SMARCC1: variants seen among roughly 807,000 people sequenced by gnomAD.
SMARCC1 encodes the protein SWI/SNF complex subunit SMARCC1.
A neutral mutation model predicts 147.4 loss-of-function variants in SMARCC1; 43 were observed. That is an observed-to-expected ratio of 0.29 (90% CI 0.23 to 0.38). SMARCC1 has a LOEUF of 0.38. Ranked by LOEUF, SMARCC1 falls within the 10% of genes least tolerant of loss-of-function variation. The probability of loss-of-function intolerance (pLI) is 1.00; values close to 1 mark genes in which losing one functional copy is unlikely to be tolerated. For synonymous variants in SMARCC1, 495 were observed against 484.4 expected (o/e 1.02, Z -0.29); for missense variants, 1,119 against 1,381.1 (o/e 0.81, Z 3.01).
chr3:47,757,592 C>G (rs1447090995), intron 2 of SMARCC1, among the ~76,000 whole-genome samples: 1 of 151,684 alleles, frequency 6.6e-6, no homozygotes, highest in Admixed American at 6.6e-5. Flanking sequence ...CTGGCTAACA[C>G]GTGAAACTGG....
At position 47,588,230 on chromosome 3, in the gene SMARCC1, C is replaced by T. The variant is rs746884532; in HGVS notation, c.3297G>A (p.Pro1099=). The T allele has an allele frequency of 4.3e-6, 7 of 1,613,378 alleles. No homozygotes were observed. Among genetic ancestry groups the T allele is most frequent in the African/African-American group, 4.0e-5 (3 of 74,958 alleles). The change falls in exon 28 of 28, where the codon CCG becomes CCA. Residue 1099 remains proline, a synonymous_variant. Coordinates refer to ENST00000254480, the MANE Select transcript of SMARCC1 (RefSeq NM_003074.4). ...DGVPPPPAPG[P]PASAAP ...CAGGCTAAGGAGCAGCTGAGGCTGG[C>T]GGGCCAGGAGCAGGAGGCGGAGGGA...
intron 13 of SMARCC1, among the ~76,000 whole-genome samples, chr3:47,688,125 T>A (rs1162436019): frequency 6.6e-6 from 1 of 152,008 alleles, no homozygotes; most frequent in Non-Finnish European, 1.5e-5. Flanking sequence ...CTGGGCGTGG[T>A]GGTGCATGCC....
intron 6 of SMARCC1, among the ~76,000 whole-genome samples, chr3:47,725,023 C>G (rs1195008513): frequency 1.2e-5 from 1 of 82,540 alleles, no homozygotes; most frequent in Non-Finnish European, 2.3e-5. Context: ...CAGAAAAAGA[C>G]TGTCTCCACA....
At chr3:47,664,178 T>TAA (rs869131579) in intron 19 of SMARCC1, among the ~76,000 whole-genome samples, 129 of 98,986 alleles carry the variant, frequency 1.3e-3, no homozygotes, top group African/African-American at 4.4e-3. Flanking sequence ...TAATAAACTC[T>TAA]AAAAAAAAAA....
At chr3:47,606,875 TA>T (rs1459773977) in intron 26 of SMARCC1, among the ~76,000 whole-genome samples, 3 of 138,260 alleles carry the variant, frequency 2.2e-5, no homozygotes, top group African/African-American at 5.1e-5. Context: ...CACACCTGGC[TA>T]CTTTTTTTTT....
rs546659321 is a variant in SMARCC1 at position 47,726,061 on chromosome 3, CAA to C, written c.646+2962_646+2963del. ...TGGGTAGAAGAGTGAGACTCTGTCT[CAA>C]AAAAAAAAAAAAAAAAAAGGTGAAT... is the stretch of plus-strand genomic sequence containing the variant. On this transcript the variant is annotated intron_variant, in intron 6 of 27. Transcript: ENST00000254480. Among the ~76,000 whole-genome samples, 14 of 50,780 alleles carry C rather than the reference CAA, an allele frequency of 2.8e-4. 1 individual carries two copies. The highest frequency in any genetic ancestry group is 7.0e-4 in the East Asian group (1 of 1,422). 33.3% of individuals were successfully genotyped at this position (50,780 alleles called of 152,430 possible).
At chr3:47,656,536 T>C (rs1225988118) in intron 21 of SMARCC1, among the ~76,000 whole-genome samples, 1 of 152,146 alleles carries the variant, frequency 6.6e-6, no homozygotes, top group Non-Finnish European at 1.5e-5. Context: ...AATCCAATGA[T>C]GACAATGCAG....
At chr3:47,722,362 A>G (rs973866108) in intron 6 of SMARCC1, among the ~76,000 whole-genome samples, 1 of 136,772 alleles carries the variant, frequency 7.3e-6, no homozygotes. Context: ...CAATGGTGCG[A>G]TCTCGGCTCA....
Position 47,673,399 on chromosome 3 carries a change from T to TG in SMARCC1, c.1839+2075dup, listed in dbSNP as rs71070208. 6.0e-4 allele frequency among the ~76,000 whole-genome samples: 28 copies of TG among 47,000 alleles called. 1 individual carries two copies. Among genetic ancestry groups the TG allele is most frequent in the African/African-American group, 1.6e-3 (24 of 14,956 alleles). 30.8% of individuals were successfully genotyped at this position (47,000 alleles called of 152,430 possible). On this transcript the variant is annotated intron_variant, in intron 18 of 27. Transcript: ENST00000254480. ...AGACTCTGTCTCAAAAAAAAAAGGG[T>TG]GGGGGGGGGGCAGGCCAGTGGCTCA...
At chr3:47,706,618 A>T in intron 9 of SMARCC1, 88 bp from the exon 10 acceptor site, 1 of 1,205,954 alleles carries the variant, frequency 8.3e-7, no homozygotes, top group Non-Finnish European at 1.1e-6. Flanking sequence ...CTCCACACAC[A>T]AAGACAACAG....
At chr3:47,781,559 C>T (rs748331528) in intron 1 of SMARCC1, 44 bp downstream of exon 1, 47 of 1,409,076 alleles carry the variant, frequency 3.3e-5, no homozygotes, top group Non-Finnish European at 4.0e-5. Flanking sequence ...CGCCTCCGGC[C>T]CCGGTCGCGT....
chr3:47,645,297 C>CAA (rs768500597), intron 21 of SMARCC1, among the ~76,000 whole-genome samples: 9 of 107,252 alleles, frequency 8.4e-5, no homozygotes, highest in Non-Finnish European at 1.0e-4. Flanking sequence ...TCCCCCCCAC[C>CAA]AAAAAAAAAA....
In SMARCC1 at chr3:47,776,457, A is replaced by G. The variant is rs576645138; in HGVS notation, c.196-3521T>C. 4.6e-5 allele frequency among the ~76,000 whole-genome samples: 7 copies of G among 152,080 alleles called. No homozygotes were observed. The South Asian group carries it at 1.5e-3, about 32-fold the overall frequency. On this transcript the variant is annotated intron_variant, in intron 1 of 27. Transcript: ENST00000254480. ...TCTCTACTAAAAAAATACAAAAACTACCCAGGCAGAGTGGCACACACCTGT... is the reference window on the plus strand; with the variant it reads ...TCTCTACTAAAAAAATACAAAAACTGCCCAGGCAGAGTGGCACACACCTGT...
At chr3:47,715,949 A>C (rs1343405916) in intron 7 of SMARCC1, among the ~76,000 whole-genome samples, 3 of 152,126 alleles carry the variant, frequency 2.0e-5, no homozygotes, top group Non-Finnish European at 4.4e-5. Flanking sequence ...ACTCACTGAC[A>C]TAAATCAGAC....
chr3:47,774,647 G>T (rs1176637075), intron 1 of SMARCC1, among the ~76,000 whole-genome samples: 2 of 151,966 alleles, frequency 1.3e-5, no homozygotes, highest in Non-Finnish European at 2.9e-5. Context: ...TCGATCTCCT[G>T]ACCTCGTGAT....
At chr3:47,637,195 G>A (rs2032982663) in intron 22 of SMARCC1, among the ~76,000 whole-genome samples, 1 of 152,146 alleles carries the variant, frequency 6.6e-6, no homozygotes, top group South Asian at 2.1e-4. Context: ...ACACCCAGCT[G>A]AGACTCTTTT....
chr3:47,611,033 T>G (rs1234562463), intron 25 of SMARCC1, among the ~76,000 whole-genome samples: 1 of 152,192 alleles, frequency 6.6e-6, no homozygotes, highest in African/African-American at 2.4e-5. Flanking sequence ...TTCAAGATAA[T>G]CTTTCTGGCA....
intron 15 of SMARCC1, chr3:47,680,235 A>G (rs1325727017): frequency 2.1e-6 from 1 of 480,242 alleles, no homozygotes; most frequent in East Asian, 4.2e-5. Context: ...CAAACACCAA[A>G]AAAAACCCCC....
chr3:47,770,774 A>G (rs1326425979), intron 2 of SMARCC1, among the ~76,000 whole-genome samples: 2 of 152,228 alleles, frequency 1.3e-5, no homozygotes, highest in Non-Finnish European at 2.9e-5. Flanking sequence ...AAGCTTCCCA[A>G]TTATAATTCA....
Sources: allele counts gnomAD v4.1 joint callset (sites outside exome capture counted in the v4.1 genomes callset), GRCh38; gene constraint gnomAD v4.1.1; transcripts MANE v1.5; gene names NCBI Gene and HGNC (gene_info 2026-07-23, HGNC 2026-07-21).